Variants in PKD1L1 observed in about 807,000 individuals in gnomAD.
PKD1L1 encodes the protein polycystin-1-like protein 1.
Under a neutral mutation model 323.4 loss-of-function variants are expected in PKD1L1, and 236 were observed. That is an observed-to-expected ratio of 0.73 (90% CI 0.66 to 0.81). PKD1L1 has a LOEUF of 0.81. PKD1L1 is among the 40% of genes least tolerant of loss of function. The pLI is 0.00. For missense variants in PKD1L1, 3,320 were observed against 3,508.0 expected (o/e 0.95, Z 1.35); for synonymous variants, 1,344 against 1,335.0 (o/e 1.01, Z -0.15).
intron 21 of PKD1L1, among the ~76,000 whole-genome samples, chr7:47,878,833 G>A (rs371343909): frequency 1.3e-5 from 2 of 152,308 alleles, no homozygotes; most frequent in African/African-American, 4.8e-5. Context: ...GCAAGGCTGC[G>A]GGAGAGAAGG....
At chr7:47,907,302 A>T (rs899445303) in intron 9 of PKD1L1, among the ~76,000 whole-genome samples, 15 of 152,042 alleles carry the variant, frequency 9.9e-5, no homozygotes, top group African/African-American at 3.6e-4. Flanking sequence ...GGGAAATGTG[A>T]CCCCATCATC....
chr7:47,926,618 A>G (rs914829643), intron 7 of PKD1L1, among the ~76,000 whole-genome samples: 1 of 152,178 alleles, frequency 6.6e-6, no homozygotes, highest in African/African-American at 2.4e-5. Flanking sequence ...AAAAATACCA[A>G]TAAGATATTT....
chr7:47,802,113 C>G (rs555309756), intron 53 of PKD1L1, among the ~76,000 whole-genome samples: 1 of 151,196 alleles, frequency 6.6e-6, no homozygotes, highest in South Asian at 2.1e-4. Flanking sequence ...ATGGCATGAA[C>G]CCGGGAGGCG....
chr7:47,853,763 A>C (rs1457950080), intron 30 of PKD1L1, among the ~76,000 whole-genome samples: 1 of 117,244 alleles, frequency 8.5e-6, no homozygotes, highest in East Asian at 2.3e-4. Flanking sequence ...CAAACAAACA[A>C]ACCAAAAAAA....
At chr7:47,942,293 C>T (rs1788003477) in intron 2 of PKD1L1, among the ~76,000 whole-genome samples, 1 of 152,156 alleles carries the variant, frequency 6.6e-6, no homozygotes, top group Non-Finnish European at 1.5e-5. Flanking sequence ...TGATTATGCT[C>T]TGTACGTAAG....
At chr7:47,911,539 G>C (rs1013497948) in intron 8 of PKD1L1, among the ~76,000 whole-genome samples, 3 of 152,126 alleles carry the variant, frequency 2.0e-5, no homozygotes, top group African/African-American at 7.2e-5. Context: ...TTATAATAGA[G>C]CAAGTCCTGA....
At chr7:47,781,842 A>G (rs182774081) in intron 56 of PKD1L1, among the ~76,000 whole-genome samples, 1 of 152,288 alleles carries the variant, frequency 6.6e-6, no homozygotes, top group Admixed American at 6.5e-5. Flanking sequence ...TGTATATGGT[A>G]TGAGGTATAG....
intron 13 of PKD1L1, among the ~76,000 whole-genome samples, chr7:47,898,563 T>G (rs544891923): frequency 2.6e-5 from 4 of 152,242 alleles, no homozygotes; most frequent in Non-Finnish European, 5.9e-5. Flanking sequence ...TTTTGGCACC[T>G]ATGTGTATAT....
intron 2 of PKD1L1, among the ~76,000 whole-genome samples, chr7:47,940,595 GA>G (rs1787965861): frequency 6.6e-6 from 1 of 152,232 alleles, no homozygotes; most frequent in Non-Finnish European, 1.5e-5. Flanking sequence ...GCCTGTTCCA[GA>G]AACACCCAGT....
At chr7:47,925,652 T>C (rs951631384) in intron 7 of PKD1L1, among the ~76,000 whole-genome samples, 1 of 152,154 alleles carries the variant, frequency 6.6e-6, no homozygotes, top group Non-Finnish European at 1.5e-5. Flanking sequence ...CCCATTGGAA[T>C]TGAGGCACAA....
At position 47,932,468 on chromosome 7, in the gene PKD1L1, G is replaced by A. The variant is rs561548280; in HGVS notation, c.399-412C>T. Among the ~76,000 whole-genome samples, 3 of 152,350 alleles carry A rather than the reference G, an allele frequency of 2.0e-5. No homozygotes were observed. In the East Asian group the frequency reaches 5.8e-4, roughly 29 times the overall value. ...GCGGAAGGCCTGGTGGTAACTACTT[G>A]CTTATTCCGAGTGCAGTCAAACCTG... On this transcript the variant is annotated intron_variant, in intron 4 of 56. Coordinates refer to ENST00000289672, the MANE Select transcript of PKD1L1 (RefSeq NM_138295.5).
Position 47,855,245 on chromosome 7 carries a change from G to A in PKD1L1, c.4611C>T (p.Leu1537=), listed in dbSNP as rs747603936. The A allele has an allele frequency of 1.2e-6, 2 of 1,613,586 alleles. No homozygotes were observed. The highest frequency in any genetic ancestry group is 1.1e-5 in the South Asian group (1 of 91,034). ...APGQIGGVVG[L]NLYTCSSRRP... ...TTCTGCTGGAGCAGGTATAGAGGTT[G>A]AGGCCCACAACTCCACCAATCTTGG... is the stretch of plus-strand genomic sequence containing the variant. The change falls in exon 29 of 57, where the codon CTC becomes CTT. Residue 1537 remains leucine, a synonymous_variant. Coordinates refer to ENST00000289672, the MANE Select transcript of PKD1L1 (RefSeq NM_138295.5).
chr7:47,864,623 T>TC (rs1483370806), intron 26 of PKD1L1, among the ~76,000 whole-genome samples: 2 of 142,162 alleles, frequency 1.4e-5, no homozygotes, highest in Non-Finnish European at 3.0e-5. Flanking sequence ...TTTCTTTCTT[T>TC]CTTTCTTTCT....
intron 56 of PKD1L1, among the ~76,000 whole-genome samples, chr7:47,789,064 G>T (rs1197347826): frequency 1.3e-5 from 2 of 151,966 alleles, no homozygotes; most frequent in African/African-American, 4.8e-5. Context: ...TTTTAATTTG[G>T]AATATTTTTG....
At chr7:47,932,307 G>C (rs536237228) in intron 4 of PKD1L1, among the ~76,000 whole-genome samples, 1 of 152,266 alleles carries the variant, frequency 6.6e-6, no homozygotes, top group Admixed American at 6.5e-5. Context: ...CTTATTAAAC[G>C]ATTGACTAAA....
chr7:47,842,443 G>A (rs1785580717), intron 34 of PKD1L1, among the ~76,000 whole-genome samples: 1 of 152,114 alleles, frequency 6.6e-6, no homozygotes, highest in Non-Finnish European at 1.5e-5. Flanking sequence ...AGGGATTTGT[G>A]TCACACGCAC....
chr7:47,791,236 G>T (rs995292773), intron 56 of PKD1L1, among the ~76,000 whole-genome samples: 8 of 151,918 alleles, frequency 5.3e-5, no homozygotes, highest in African/African-American at 1.9e-4. Context: ...CATTCTTCCT[G>T]GTCTGATTTC....
chr7:47,785,605 C>A (rs1786788298), intron 56 of PKD1L1, among the ~76,000 whole-genome samples: 1 of 152,014 alleles, frequency 6.6e-6, no homozygotes, highest in Non-Finnish European at 1.5e-5. Flanking sequence ...CTACAGTCAC[C>A]CAGCCAGTAG....
chr7:47,797,358 T>G (rs1784566431), intron 54 of PKD1L1, among the ~76,000 whole-genome samples: 1 of 152,226 alleles, frequency 6.6e-6, no homozygotes, highest in African/African-American at 2.4e-5. Flanking sequence ...CAGATAAAGC[T>G]TGTGTGTGTT....
Sources: allele counts gnomAD v4.1 joint callset (sites outside exome capture counted in the v4.1 genomes callset), GRCh38; gene constraint gnomAD v4.1.1; transcripts MANE v1.5; gene names NCBI Gene and HGNC (gene_info 2026-07-23, HGNC 2026-07-21).